Variants in MALRD1 observed in about 807,000 individuals in gnomAD.
The protein encoded by MALRD1 is MAM and LDL-receptor class A domain-containing protein 1.
A neutral mutation model predicts 242.1 loss-of-function variants in MALRD1; 247 were observed. The ratio of observed to expected loss-of-function variants is 1.02; its 90% CI spans 0.92 to 1.13. The LOEUF is 1.13. Among genes scored for constraint, MALRD1 ranks in the 50% most tolerant of loss-of-function variants. The pLI is 0.00. For missense variants in MALRD1, 2,989 were observed against 2,533.1 expected (o/e 1.18, Z -3.86); for synonymous variants, 995 against 866.6 (o/e 1.15, Z -2.60).
intron 38 of MALRD1, among the ~76,000 whole-genome samples, chr10:19,709,220 A>G (rs1833998664): frequency 6.8e-6 from 1 of 147,834 alleles, no homozygotes. Context: ...AGCTTGGCTA[A>G]CATGGTGAAA....
chr10:19,520,095 A>G (rs1589189736), intron 31 of MALRD1, among the ~76,000 whole-genome samples: 1 of 152,128 alleles, frequency 6.6e-6, no homozygotes, highest in Non-Finnish European at 1.5e-5. Context: ...AACAACCTTG[A>G]GTCGTTCACG....
At chr10:19,109,719 C>T (rs1588557663) in intron 5 of MALRD1, among the ~76,000 whole-genome samples, 1 of 152,292 alleles carries the variant, frequency 6.6e-6, no homozygotes, top group East Asian at 1.9e-4. Context: ...TACTGGATCC[C>T]AGAGAAAGAT....
At chr10:19,500,929 A>G (rs1158945797) in intron 31 of MALRD1, among the ~76,000 whole-genome samples, 30 of 152,092 alleles carry the variant, frequency 2.0e-4, no homozygotes, top group Admixed American at 2.0e-3. Flanking sequence ...TACATTACAG[A>G]AGGAGGGAAA....
At chr10:19,105,190 G>T (rs1588551070) in intron 5 of MALRD1, among the ~76,000 whole-genome samples, 1 of 151,832 alleles carries the variant, frequency 6.6e-6, no homozygotes, top group Admixed American at 6.6e-5. Context: ...CCCAGCCTCT[G>T]GTAACCACTA....
chr10:19,324,932 A>G (rs906038563), intron 22 of MALRD1, among the ~76,000 whole-genome samples: 2 of 150,496 alleles, frequency 1.3e-5, no homozygotes, highest in African/African-American at 4.9e-5. Flanking sequence ...TATTTTGCCA[A>G]GAGATATTTT....
intron 13 of MALRD1, among the ~76,000 whole-genome samples, chr10:19,171,423 TATATACA>T (rs1188138196): frequency 3.3e-5 from 3 of 89,782 alleles, no homozygotes; most frequent in African/African-American, 5.6e-5. Flanking sequence ...TTTTATATTT[TATATACA>T]TATATATATA....
intron 36 of MALRD1, among the ~76,000 whole-genome samples, chr10:19,634,733 G>C (rs1386221696): frequency 6.6e-6 from 1 of 152,102 alleles, no homozygotes; most frequent in Admixed American, 6.6e-5. Context: ...TGGTTGCACA[G>C]CTAAAAAATA....
intron 33 of MALRD1, among the ~76,000 whole-genome samples, chr10:19,587,601 T>C (rs559832391): frequency 5.9e-5 from 9 of 152,380 alleles, no homozygotes; most frequent in Admixed American, 5.9e-4. Context: ...GTAATTTTTA[T>C]TCCTATAAGA....
At chr10:19,137,391 G>T (rs1386293065) in intron 10 of MALRD1, among the ~76,000 whole-genome samples, 1 of 151,932 alleles carries the variant, frequency 6.6e-6, no homozygotes, top group East Asian at 2.0e-4. Context: ...AGATCACAAG[G>T]TCAGGAGTTC....
chr10:19,118,552 G>A (rs948817090), intron 5 of MALRD1, among the ~76,000 whole-genome samples: 2 of 152,180 alleles, frequency 1.3e-5, no homozygotes, highest in Non-Finnish European at 2.9e-5. Flanking sequence ...ATAAGAGCTC[G>A]TAGAGACCAA....
rs185808787 is a variant in MALRD1 at position 19,661,787 on chromosome 10, T to A, written c.6138-30495T>A. Among the ~76,000 whole-genome samples, 730 of 151,678 alleles carry A rather than the reference T, an allele frequency of 4.8e-3. 9 individuals carry two copies. The highest frequency in any genetic ancestry group is 0.015 in the African/African-American group (601 of 41,322). On this transcript the variant is annotated intron_variant, in intron 36 of 39. Coordinates refer to ENST00000454679, the MANE Select transcript of MALRD1 (RefSeq NM_001142308.3). ...TACCCTAAAACTTAAAGTATAATTT[T>A]AAAAAAAAAGAATTTTTGTTTGGTA...
intron 28 of MALRD1, 41 bp from the exon 29 acceptor site, chr10:19,450,266 G>T: frequency 6.7e-7 from 1 of 1,497,232 alleles, no homozygotes; most frequent in Non-Finnish European, 9.0e-7. Context: ...ATCTTCTTTT[G>T]TGTTTGATTA....
In MALRD1 at chr10:19,389,543, C is replaced by G; in HGVS notation, c.4779C>G (p.Ala1593=). The G allele has an allele frequency of 6.4e-7, 1 of 1,550,720 alleles. No individual in the cohort carries two copies. Among genetic ancestry groups the G allele is most frequent in the Non-Finnish European group, 8.7e-7 (1 of 1,146,958 alleles). The stretch of plus-strand genomic sequence containing the variant: ...CCATGTGGCGAGAATCCAGTGCAGC[C>G]TGCACCATGAGCTTCTGGTATTTCG... The part of the protein sequence containing the change: ...RSTMWRESSA[A]CTMSFWYFVS... Residue 1593 remains alanine, a synonymous_variant, in exon 28 of 40, where the codon GCC becomes GCG. Transcript: ENST00000454679.
chr10:19,143,763 C>T (rs1406397090), intron 10 of MALRD1, among the ~76,000 whole-genome samples: 1 of 152,184 alleles, frequency 6.6e-6, no homozygotes, highest in Non-Finnish European at 1.5e-5. Flanking sequence ...CAAATATGTA[C>T]TTTGAGTCTT....
At chr10:19,667,335 C>T (rs556667214) in intron 36 of MALRD1, among the ~76,000 whole-genome samples, 7 of 152,140 alleles carry the variant, frequency 4.6e-5, no homozygotes, top group Non-Finnish European at 8.8e-5. Context: ...TAACAGCTTA[C>T]TTAGCAGGGG....
At chr10:19,588,353 A>G (rs1047403789) in intron 33 of MALRD1, among the ~76,000 whole-genome samples, 1 of 152,216 alleles carries the variant, frequency 6.6e-6, no homozygotes, top group Non-Finnish European at 1.5e-5. Flanking sequence ...TATTGATTGA[A>G]CACACATCTC....
chr10:19,249,664 C>G (rs1220698543), intron 18 of MALRD1, among the ~76,000 whole-genome samples: 1 of 151,874 alleles, frequency 6.6e-6, no homozygotes, highest in African/African-American at 2.4e-5. Context: ...TTATATGATT[C>G]TAAACAATAA....
intron 14 of MALRD1, among the ~76,000 whole-genome samples, chr10:19,182,050 T>A (rs1022380430): frequency 6.6e-6 from 1 of 151,940 alleles, no homozygotes; most frequent in Non-Finnish European, 1.5e-5. Context: ...TTATTATACT[T>A]TAGGAATTTC....
chr10:19,622,206 C>G (rs1839434546), intron 36 of MALRD1, among the ~76,000 whole-genome samples: 1 of 116,692 alleles, frequency 8.6e-6, no homozygotes, highest in African/African-American at 2.7e-5. Flanking sequence ...AAGAAGTTAT[C>G]ATGATGGTAT....
Sources: gnomAD v4.1 joint callset for allele counts (sites outside exome capture counted in the v4.1 genomes callset) on GRCh38, gnomAD v4.1.1 for gene constraint, MANE v1.5 for transcripts, NCBI Gene and HGNC (gene_info 2026-07-23, HGNC 2026-07-21) for gene names.